Variants in TMEM62 observed in about 807,000 individuals in gnomAD.
TMEM62 encodes transmembrane protein 62.
In TMEM62, 41 loss-of-function variants were observed where a neutral mutation model predicts 70.4. The ratio of observed to expected loss-of-function variants is 0.58; its 90% CI spans 0.45 to 0.76. The LOEUF (loss-of-function observed/expected upper bound fraction) is 0.76. TMEM62 is among the 30% of genes least tolerant of loss of function. The pLI is 0.00. For missense variants in TMEM62, 688 were observed against 788.5 expected, an observed-to-expected ratio of 0.87 and a Z score of 1.53; for synonymous variants, 268 against 291.0, an observed-to-expected ratio of 0.92 and a Z score of 0.80.
intron 4 of TMEM62, among the ~76,000 whole-genome samples, chr15:43,139,010 T>G (rs903356328): frequency 6.6e-6 from 1 of 152,262 alleles, no homozygotes; most frequent in African/African-American, 2.4e-5. Flanking sequence ...TTCGCCTTAT[T>G]GCACTTTGCA....
intron 8 of TMEM62, 105 bp from the exon 9 acceptor site, chr15:43,154,567 G>C (rs905291781): frequency 3.4e-5 from 32 of 940,944 alleles, no homozygotes; most frequent in Non-Finnish European, 4.5e-6. Context: ...CAATATGATG[G>C]TTCTGCCTAT....
At chr15:43,172,160 A>T (rs1284517281) in intron 11 of TMEM62, among the ~76,000 whole-genome samples, 2 of 152,154 alleles carry the variant, frequency 1.3e-5, no homozygotes, top group Admixed American at 1.3e-4. Flanking sequence ...ATGTTTAGCA[A>T]TTTATGTTTC....
intron 11 of TMEM62, 91 bp from the exon 12 acceptor site, chr15:43,178,495 AAAGGATTTGCTGAATATATGG>A (rs2041006518): frequency 1.6e-6 from 1 of 643,720 alleles, no homozygotes; most frequent in Non-Finnish European, 2.7e-6. Flanking sequence ...ACCATCTAAC[AAAGGATTTGCTGAATATATGG>A]TAGATAGCCC....
In TMEM62 at chr15:43,138,618, A is replaced by G; in HGVS notation, c.475A>G (p.Arg159Gly). ...PSLDSIKNYY[R>G]KYSAVRRDGS... ...TCTGGACAGCATCAAGAATTATTAC[A>G]GGTACTGTAATAAACAGAAGACAGA... The change falls in exon 4 of 14, where the codon AGG becomes GGG. Residue 159 changes from arginine to glycine, a missense_variant and splice_region_variant. Transcript: ENST00000260403. 1 of 1,598,462 alleles carries G rather than the reference A, an allele frequency of 6.3e-7. No individual in the cohort carries two copies. Among genetic ancestry groups the G allele is most frequent in the South Asian group, 1.1e-5 (1 of 90,126 alleles).
intron 3 of TMEM62, 191 bp downstream of exon 3, chr15:43,135,840 T>C: frequency 1.8e-6 from 1 of 543,714 alleles, no homozygotes; most frequent in South Asian, 3.9e-5. Context: ...GAGATGACAA[T>C]TGGTATGGTC....
chr15:43,146,570 G>A lies in TMEM62; in HGVS notation c.554G>A (p.Cys185Tyr), dbSNP rs1567188831. The A allele has an allele frequency of 4.3e-6, 7 of 1,613,720 alleles. No homozygotes were observed. In the South Asian group the frequency reaches 6.6e-5, roughly 15 times the overall value. The change falls in exon 5 of 14, where the codon TGT becomes TAT. Residue 185 changes from cysteine (C) to tyrosine (Y), a missense_variant. Coordinates refer to ENST00000260403, the MANE Select transcript of TMEM62 (RefSeq NM_024956.4). ...CCCTTTGGCAACTATTCGTTCATCT[G>A]TGTAGATGCCACTGTAAATCCAGGG... ...STPFGNYSFI[C>Y]VDATVNPGPK... is the part of the protein sequence containing the mutation.
intron 10 of TMEM62, among the ~76,000 whole-genome samples, chr15:43,163,557 C>T (rs1253101083): frequency 3.3e-5 from 5 of 151,746 alleles, no homozygotes; most frequent in South Asian, 4.2e-4. Flanking sequence ...CTGAGGCGGG[C>T]GGATCACGAG....
rs762886302 is a variant in TMEM62, at chr15:43,178,660, A to G, written c.1435A>G (p.Ile479Val). The G allele has an allele frequency of 1.2e-5, 19 of 1,613,166 alleles. 1 individual carries two copies. The South Asian group carries it at 1.2e-4, about 10-fold the overall frequency. Residue 479 changes from isoleucine (I) to valine (V), a missense_variant, in exon 12 of 14, where the codon ATA becomes GTA. By Grantham distance (29) the Ile-to-Val change is conservative (BLOSUM62 3). Coordinates refer to ENST00000260403, the MANE Select transcript of TMEM62 (RefSeq NM_024956.4). Reference sequence around the variant, plus strand: ...ATTTTCTCTTCATGTCTTGAGCAAAATAAACATCTTCTACTATTCTGTGTT... The same window carrying G: ...ATTTTCTCTTCATGTCTTGAGCAAAGTAAACATCTTCTACTATTCTGTGTT... ...TSFSLHVLSK[I>V]NIFYYSVLLL... is the part of the protein sequence containing the mutation.
At chr15:43,159,129 G>A (rs1390165136) in intron 9 of TMEM62, among the ~76,000 whole-genome samples, 2 of 152,048 alleles carry the variant, frequency 1.3e-5, no homozygotes, top group East Asian at 1.9e-4. Context: ...CATAGTAGGT[G>A]TGTATATCTG....
At chr15:43,138,724 G>C in intron 4 of TMEM62, 105 bp downstream of exon 4, 1 of 968,408 alleles carries the variant, frequency 1.0e-6, no homozygotes, top group Admixed American at 2.2e-5. Context: ...CATTTTAAGA[G>C]GCAGGGGTCT....
At chr15:43,143,337 C>T (rs1297779186) in intron 4 of TMEM62, among the ~76,000 whole-genome samples, 1 of 152,242 alleles carries the variant, frequency 6.6e-6, no homozygotes, top group Non-Finnish European at 1.5e-5. Context: ...GCTGAGATTA[C>T]AGGCATAAGC....
rs1319327469 is a variant in TMEM62 at position 43,167,155 on chromosome 15, A to G, written c.1297-2438A>G. 1.0e-4 allele frequency among the ~76,000 whole-genome samples: 15 copies of G among 147,690 alleles called. No individual in the cohort carries two copies. In the East Asian group the frequency reaches 2.1e-3, roughly 21 times the overall value. On this transcript the variant is annotated intron_variant, in intron 10 of 13. Transcript: ENST00000260403. ...CACCTCCCGGACTGGGCGGCTGGCC[A>G]GGCGGGGGGCTGACCCCCCCACCTC... is the stretch of plus-strand genomic sequence containing the variant.
At chr15:43,134,430 G>C in intron 2 of TMEM62, 62 bp downstream of exon 2, 2 of 1,357,108 alleles carry the variant, frequency 1.5e-6, no homozygotes, top group East Asian at 2.3e-5. Flanking sequence ...CTCTAGCCAG[G>C]GCTGTGGCTT....
intron 13 of TMEM62, 138 bp from the exon 14 acceptor site, chr15:43,184,122 A>T: frequency 2.8e-6 from 2 of 713,578 alleles, no homozygotes; most frequent in Non-Finnish European, 4.7e-6. Context: ...CTGTTGTGTT[A>T]TAAGCAACTG....
At position 43,181,307 on chromosome 15, in the gene TMEM62, G is replaced by C. The variant is rs769818190; in HGVS notation, c.1605+8G>C. The C allele has an allele frequency of 6.4e-7, 1 of 1,566,342 alleles. No individual in the cohort carries two copies. The highest frequency in any genetic ancestry group is 8.8e-7 in the Non-Finnish European group (1 of 1,137,140). ...ATAATTGGAATTCTCCAGGTAAGAA[G>C]TCAGAAAAGCAATTTAAGAACATCT... On this transcript the variant is annotated splice_region_variant and intron_variant, in intron 13 of 13. Coordinates refer to ENST00000260403, the MANE Select transcript of TMEM62 (RefSeq NM_024956.4).
chr15:43,147,419 T>A (rs963044625), intron 5 of TMEM62, among the ~76,000 whole-genome samples: 3 of 152,252 alleles, frequency 2.0e-5, no homozygotes, highest in Non-Finnish European at 2.9e-5. Flanking sequence ...AAATGCCAAC[T>A]CATTATTTAA....
At chr15:43,135,365 T>G (rs529157755) in intron 2 of TMEM62, 147 bp from the exon 3 acceptor site, 35 of 723,354 alleles carry the variant, frequency 4.8e-5, no homozygotes, top group African/African-American at 7.3e-5. Flanking sequence ...ATGGCTCGAT[T>G]TGGACATTGG....
At chr15:43,141,167 A>G (rs1467862435) in intron 4 of TMEM62, among the ~76,000 whole-genome samples, 2 of 152,208 alleles carry the variant, frequency 1.3e-5, no homozygotes, top group African/African-American at 4.8e-5. Flanking sequence ...GAAGCACTGA[A>G]TGAAATCCTG....
At chr15:43,154,573 C>A in intron 8 of TMEM62, 99 bp from the exon 9 acceptor site, 2 of 1,043,312 alleles carry the variant, frequency 1.9e-6, no homozygotes, top group Non-Finnish European at 2.7e-6. Context: ...GATGGTTCTG[C>A]CTATACGTGT....
Sources: allele counts gnomAD v4.1 joint callset (sites outside exome capture counted in the v4.1 genomes callset), GRCh38; gene constraint gnomAD v4.1.1; transcripts MANE v1.5; gene names NCBI Gene and HGNC (gene_info 2026-07-23, HGNC 2026-07-21).